Variants in FAT3 observed in about 807,000 individuals in gnomAD.
The protein encoded by FAT3 is FAT atypical cadherin 3.
A neutral mutation model predicts 310.2 loss-of-function variants in FAT3; 95 were observed. The observed-to-expected ratio is 0.31, with a 90% CI of 0.26 to 0.36. The LOEUF is 0.36. Ranked by LOEUF, FAT3 falls within the 10% of genes least tolerant of loss-of-function variation. The probability of loss-of-function intolerance (pLI) is 1.00; values close to 1 mark genes in which losing one functional copy is unlikely to be tolerated. For synonymous variants in FAT3, 2,314 were observed against 2,192.9 expected, an observed-to-expected ratio of 1.06 and a Z score of -1.54; for missense variants, 5,408 against 5,715.6, an observed-to-expected ratio of 0.95 and a Z score of 1.74.
At chr11:92,851,965 A>T (rs1948840782) in intron 19 of FAT3, among the ~76,000 whole-genome samples, 1 of 152,166 alleles carries the variant, frequency 6.6e-6, no homozygotes, top group South Asian at 2.1e-4. Flanking sequence ...TGAAAAGGAG[A>T]TGACAGAAAC....
At chr11:92,243,808 A>C (rs1198976556) in intron 1 of FAT3, among the ~76,000 whole-genome samples, 3 of 152,094 alleles carry the variant, frequency 2.0e-5, no homozygotes, top group Non-Finnish European at 4.4e-5. Context: ...CAAACCATGA[A>C]ATTTTGATTT....
chr11:92,279,531 A>C (rs1946367530), intron 1 of FAT3, among the ~76,000 whole-genome samples: 1 of 152,194 alleles, frequency 6.6e-6, no homozygotes, highest in Admixed American at 6.5e-5. Context: ...GTGCACACAC[A>C]CACCCACCAA....
chr11:92,529,294 G>A (rs1025915409), intron 3 of FAT3, among the ~76,000 whole-genome samples: 2 of 152,174 alleles, frequency 1.3e-5, no homozygotes, highest in African/African-American at 4.8e-5. Context: ...GATCTTTGCG[G>A]ACCTGAAGGG....
intron 3 of FAT3, among the ~76,000 whole-genome samples, chr11:92,599,296 T>A (rs192606646): frequency 6.6e-6 from 1 of 152,084 alleles, no homozygotes; most frequent in Non-Finnish European, 1.5e-5. Flanking sequence ...CTTCTTCACA[T>A]GGTGGCAGCA....
intron 9 of FAT3, among the ~76,000 whole-genome samples, chr11:92,794,892 T>A (rs1947130301): frequency 6.6e-6 from 1 of 152,234 alleles, no homozygotes; most frequent in Admixed American, 6.5e-5. Flanking sequence ...TCTTCCCAGT[T>A]GAGGGTGGGA....
At chr11:92,881,717 A>G (rs1949674226) in intron 23 of FAT3, among the ~76,000 whole-genome samples, 1 of 152,222 alleles carries the variant, frequency 6.6e-6, no homozygotes, top group Admixed American at 6.5e-5. Context: ...GAAATAGAGA[A>G]AAGTGAAAAA....
At position 92,799,771 on chromosome 11, in the gene FAT3, C is replaced by T. The variant is rs1947282690; in HGVS notation, c.6758C>T (p.Ala2253Val). ...CCTTTGGATTATGAAGTTACATCTG[C>T]TTACAAGCTGACAATAAGAGCCAGC... ...VSPLDYEVTSAYKLTIRASDA... is the reference protein window; with the variant it reads ...VSPLDYEVTSVYKLTIRASDA... Residue 2253 changes from alanine (A) to valine (V), a missense_variant, in exon 10 of 28, where the codon GCT becomes GTT. By Grantham distance (64) the Ala-to-Val change is moderately conservative (BLOSUM62 0). Around this residue, in one of 5 missense-constraint regions of FAT3, gnomAD observed 4,588 missense variants for 4,809.8 expected, o/e 0.95. Transcript: ENST00000525166. The T allele has an allele frequency of 1.2e-6, 2 of 1,612,750 alleles. No homozygotes were observed. The highest frequency in any genetic ancestry group is 1.1e-5 in the South Asian group (1 of 90,796).
chr11:92,439,102 A>G (rs1251542154), intron 2 of FAT3, among the ~76,000 whole-genome samples: 1 of 152,220 alleles, frequency 6.6e-6, no homozygotes, highest in African/African-American at 2.4e-5. Context: ...AGCATCAAGA[A>G]TTTCAAAATC....
Position 92,844,027 on chromosome 11 carries a change from C to T in FAT3, c.10660C>T (p.Leu3554=), listed in dbSNP as rs192086690. 6 of 1,614,032 alleles carry T rather than the reference C, an allele frequency of 3.7e-6. No homozygotes were observed. In the Admixed American group the frequency reaches 6.7e-5, roughly 18 times the overall value. The change falls in exon 19 of 28, where the codon CTG becomes TTG. Residue 3554 remains leucine, a synonymous_variant. Coordinates refer to ENST00000525166, the MANE Select transcript of FAT3 (RefSeq NM_001367949.2). The part of the protein sequence containing the change: ...ESTHKPTAIP[L]EIFIVTMEDD... ...CACCCACAAGCCCACAGCCATTCCCCTGGAAATTTTCATTGTCACCATGGA... is the reference window on the plus strand; with the variant it reads ...CACCCACAAGCCCACAGCCATTCCCTTGGAAATTTTCATTGTCACCATGGA...
intron 2 of FAT3, among the ~76,000 whole-genome samples, chr11:92,401,351 C>G (rs376138667): frequency 6.6e-6 from 1 of 152,110 alleles, no homozygotes; most frequent in East Asian, 1.9e-4. Flanking sequence ...GAGTAGCCTT[C>G]GTGAAACCCT....
In FAT3 at chr11:92,891,239, C is replaced by A; in HGVS notation, c.*126C>A. ...GAATACTGTATTTTTCCACTAGAAA[C>A]TTCTTCACAAGTCATACTGTCCCAA... On this transcript the variant is annotated 3_prime_UTR_variant, in exon 28 of 28. Transcript: ENST00000525166. The A allele has an allele frequency of 1.6e-6, 2 of 1,267,446 alleles. No homozygotes were observed. Among genetic ancestry groups the A allele is most frequent in the Non-Finnish European group, 2.2e-6 (2 of 926,946 alleles). The allele number at this position is 1,267,446 out of a possible 1,614,324, so 78.5% of individuals were successfully genotyped here.
intron 2 of FAT3, among the ~76,000 whole-genome samples, chr11:92,432,561 A>G (rs922950380): frequency 6.6e-6 from 1 of 152,170 alleles, no homozygotes; most frequent in African/African-American, 2.4e-5. Flanking sequence ...GGTGTACTCC[A>G]GACCCTGTTT....
chr11:92,872,451 G>A (rs1949412945), intron 22 of FAT3, among the ~76,000 whole-genome samples: 2 of 152,092 alleles, frequency 1.3e-5, no homozygotes, highest in South Asian at 4.1e-4. Context: ...AATATGCTGT[G>A]GACATAATTT....
At chr11:92,503,538 A>C (rs1591374958) in intron 2 of FAT3, among the ~76,000 whole-genome samples, 1 of 152,138 alleles carries the variant, frequency 6.6e-6, no homozygotes, top group African/African-American at 2.4e-5. Flanking sequence ...CCACAAGGGC[A>C]TATCACTAAT....
chr11:92,413,748 A>T (rs887170799), intron 2 of FAT3, among the ~76,000 whole-genome samples: 4 of 152,176 alleles, frequency 2.6e-5, no homozygotes, highest in Non-Finnish European at 5.9e-5. Context: ...AAAATTTAAG[A>T]CACTTTTCTA....
In FAT3 at chr11:92,528,044, G is replaced by A. The variant is rs559175357; in HGVS notation, c.3607+3096G>A. 2.4e-4 allele frequency among the ~76,000 whole-genome samples: 37 copies of A among 152,240 alleles called. 1 individual carries two copies. The highest frequency in any genetic ancestry group is 6.5e-4 in the African/African-American group (27 of 41,566). On this transcript the variant is annotated intron_variant, in intron 3 of 27. Coordinates refer to ENST00000525166, the MANE Select transcript of FAT3 (RefSeq NM_001367949.2). ...AAAGATTAAAATGATTAACGCCAAC[G>A]CAAATAATGCCAAGATGTATGATAT...
At position 92,532,774 on chromosome 11, in the gene FAT3, C is replaced by G. The variant is rs555872255; in HGVS notation, c.3607+7826C>G. Among the ~76,000 whole-genome samples the G allele has an allele frequency of 4.1e-3, 621 of 152,264 alleles. 5 individuals carry two copies. The highest frequency in any genetic ancestry group is 4.4e-3 in the Non-Finnish European group (299 of 68,010). Reference sequence around the variant, plus strand: ...TGAAATGCTTAAGCAGCTCCAAATCCTGTTCCTGCTTAATGCCAGCCTTCT... The same window carrying G: ...TGAAATGCTTAAGCAGCTCCAAATCGTGTTCCTGCTTAATGCCAGCCTTCT... On this transcript the variant is annotated intron_variant, in intron 3 of 27. Coordinates refer to ENST00000525166, the MANE Select transcript of FAT3 (RefSeq NM_001367949.2).
intron 3 of FAT3, among the ~76,000 whole-genome samples, chr11:92,664,244 C>T (rs1027901977): frequency 1.3e-5 from 2 of 152,130 alleles, no homozygotes; most frequent in African/African-American, 2.4e-5. Context: ...ATTGAAAGTA[C>T]ATAAAGTGAC....
intron 3 of FAT3, among the ~76,000 whole-genome samples, chr11:92,635,507 C>G (rs1941734164): frequency 6.6e-6 from 1 of 152,166 alleles, no homozygotes; most frequent in Admixed American, 6.6e-5. Context: ...AGTTCTTACG[C>G]ATTATGTTTT....
Sources: allele counts gnomAD v4.1 joint callset (sites outside exome capture counted in the v4.1 genomes callset), GRCh38; gene constraint gnomAD v4.1.1; regional missense constraint gnomAD v4.1.1; transcripts MANE v1.5; gene names NCBI Gene and HGNC (gene_info 2026-07-23, HGNC 2026-07-21).